WIPF1: variants seen among roughly 807,000 people sequenced by gnomAD.
WIPF1 encodes WAS/WASL interacting protein family member 1.
Under a neutral mutation model 35.4 loss-of-function variants are expected in WIPF1, and 13 were observed. The ratio of observed to expected loss-of-function variants is 0.37; its 90% CI spans 0.24 to 0.58. The LOEUF is 0.58. Ranked by LOEUF, WIPF1 falls within the 20% of genes least tolerant of loss-of-function variation. The pLI is 0.74. For synonymous variants in WIPF1, 267 were observed against 266.3 expected, an observed-to-expected ratio of 1.00 and a Z score of -0.02; for missense variants, 591 against 667.0, an observed-to-expected ratio of 0.89 and a Z score of 1.25.
At position 174,590,056 on chromosome 2, in the gene WIPF1, AAAAATAAAAT is replaced by A. The variant is rs533372782; in HGVS notation, c.-38-4455_-38-4446del. 6.6e-6 allele frequency among the ~76,000 whole-genome samples: 1 copy of A among 152,126 alleles called. No individual in the cohort carries two copies. Among genetic ancestry groups the A allele is most frequent in the Non-Finnish European group, 1.5e-5 (1 of 68,012 alleles). On this transcript the variant is annotated intron_variant, in intron 1 of 7. Transcript: ENST00000679041. This position sits in a 1 kb window ranked among gnomAD's most constrained non-coding sequence, Gnocchi z 4.6. ...GCTACAAAGTGAGCCCTTTATCTCT[AAAAATAAAAT>A]AAAATAAAATAAAAACAAATTAAAA...
intron 1 of WIPF1, among the ~76,000 whole-genome samples, chr2:174,650,291 A>G (rs191602795): frequency 2.5e-4 from 38 of 152,294 alleles, no homozygotes; most frequent in African/African-American, 8.7e-4. Flanking sequence ...TGAATGAACG[A>G]AAGATGACTG....
intron 1 of WIPF1, among the ~76,000 whole-genome samples, chr2:174,638,584 C>A (rs1368455934): frequency 2.0e-5 from 3 of 152,024 alleles, no homozygotes; most frequent in South Asian, 2.1e-4. Context: ...CTGTTCTATT[C>A]TCTGCTTCTA....
Position 174,571,437 on chromosome 2 carries a change from ATTTAAC to A in WIPF1, c.1129+233_1129+238del. Reference sequence around the variant, plus strand: ...CTTCTTTATTAACTAGCTCGTGACCATTTAACTTTATTAGCTACTCAGTGTCCTCAT... The same window carrying A: ...CTTCTTTATTAACTAGCTCGTGACCATTTATTAGCTACTCAGTGTCCTCAT... On this transcript the variant is annotated intron_variant, in intron 5 of 7. Coordinates refer to ENST00000679041, the MANE Select transcript of WIPF1 (RefSeq NM_001375834.1). This position sits in a 1 kb window ranked among gnomAD's most constrained non-coding sequence, Gnocchi z 4.6. 1.6e-6 allele frequency: 1 copy of A among 630,654 alleles called. No homozygotes were observed. The highest frequency in any genetic ancestry group is 2.8e-6 in the Non-Finnish European group (1 of 354,254). 39.1% of individuals were successfully genotyped at this position (630,654 alleles called of 1,614,324 possible).
chr2:174,649,866 A>G (rs1687497617), intron 1 of WIPF1, among the ~76,000 whole-genome samples: 1 of 152,210 alleles, frequency 6.6e-6, no homozygotes, highest in Non-Finnish European at 1.5e-5. Context: ...GCATGACTGT[A>G]AACCTTAACT....
Position 174,595,109 on chromosome 2 carries a change from A to AAAAAAT in WIPF1, c.-39+2491_-39+2492insATTTTT, listed in dbSNP as rs1553529785. Among the ~76,000 whole-genome samples, 71 of 57,716 alleles carry AAAAAAT rather than the reference A, an allele frequency of 1.2e-3. 2 individuals carry two copies. Among genetic ancestry groups the AAAAAAT allele is most frequent in the African/African-American group, 1.5e-3 (17 of 11,144 alleles). The allele number at this position is 57,716 out of a possible 152,430, so 37.9% of individuals were successfully genotyped here. The stretch of plus-strand genomic sequence containing the variant: ...TCTACAAAAAAAAAAAAAAAAAAAA[A>AAAAAAT]ATATATATATATATATATATATATA... On this transcript the variant is annotated intron_variant, in intron 1 of 7. Coordinates refer to ENST00000679041, the MANE Select transcript of WIPF1 (RefSeq NM_001375834.1).
chr2:174,563,375 C>T (rs1163363640), intron 7 of WIPF1, among the ~76,000 whole-genome samples: 1 of 152,116 alleles, frequency 6.6e-6, no homozygotes, highest in Non-Finnish European at 1.5e-5. Context: ...AGTTTGAGAC[C>T]AGTCTGGGCA....
At position 174,622,854 on chromosome 2, in the gene WIPF1, T is replaced by C. The variant is rs1006825153; in HGVS notation, c.-38-37243A>G. Among the ~76,000 whole-genome samples, 9 of 152,230 alleles carry C rather than the reference T, an allele frequency of 5.9e-5. No homozygotes were observed. The highest frequency in any genetic ancestry group is 2.2e-4 in the African/African-American group (9 of 41,458). On this transcript the variant is annotated intron_variant, in intron 1 of 8. Coordinates refer to the WIPF1 transcript ENST00000272746. This position sits in a 1 kb window ranked among gnomAD's most constrained non-coding sequence, Gnocchi z 5.1. ...CTGCCAAGTCTGGGATTTGAGCTTTTACCTATAAACATCACAAGGCAGAGG... is the reference window on the plus strand; with the variant it reads ...CTGCCAAGTCTGGGATTTGAGCTTTCACCTATAAACATCACAAGGCAGAGG...
At chr2:174,663,173 TGTGAGCAAG>T (rs1687815204) in intron 1 of WIPF1, among the ~76,000 whole-genome samples, 1 of 152,214 alleles carries the variant, frequency 6.6e-6, no homozygotes, top group Non-Finnish European at 1.5e-5. Context: ...GCTGAGGCTT[TGTGAGCAAG>T]GTGGTGCTCT....
At chr2:174,630,997 T>A (rs1287807562) in intron 1 of WIPF1, among the ~76,000 whole-genome samples, 1 of 152,202 alleles carries the variant, frequency 6.6e-6, no homozygotes, top group South Asian at 2.1e-4. Context: ...AATGATCTTA[T>A]AATATGAGGT....
At chr2:174,566,839 A>C in intron 7 of WIPF1, 1 of 445,474 alleles carries the variant, frequency 2.2e-6, no homozygotes, top group Non-Finnish European at 4.0e-6. Context: ...ATACTAGCAA[A>C]CCACGGTATT....
At chr2:174,649,750 G>A (rs903506068) in intron 1 of WIPF1, among the ~76,000 whole-genome samples, 4 of 152,102 alleles carry the variant, frequency 2.6e-5, no homozygotes, top group Non-Finnish European at 4.4e-5. Flanking sequence ...TTCTCCCAAG[G>A]CTACTCCTGA....
intron 1 of WIPF1, among the ~76,000 whole-genome samples, chr2:174,642,015 T>C (rs929937564): frequency 6.6e-6 from 1 of 152,170 alleles, no homozygotes; most frequent in Non-Finnish European, 1.5e-5. Flanking sequence ...TACTCTTTGC[T>C]ATAGAGAGAT....
rs192856772 is a variant in WIPF1 at position 174,630,969 on chromosome 2, T to A, written c.-38-45358A>T. The stretch of plus-strand genomic sequence containing the variant: ...AGACATGAACATTTTGTTTGAGGCA[T>A]TCCTGAAGAAAAATGATAATGATCT... On this transcript the variant is annotated intron_variant, in intron 1 of 8. Transcript: ENST00000272746. 7.2e-5 allele frequency among the ~76,000 whole-genome samples: 11 copies of A among 152,352 alleles called. No homozygotes were observed. In the East Asian group the frequency reaches 2.1e-3, roughly 29 times the overall value.
At chr2:174,600,555 A>C (rs1284863053), upstream of WIPF1, among the ~76,000 whole-genome samples, 1 of 152,186 alleles carries the variant, frequency 6.6e-6, no homozygotes, top group East Asian at 1.9e-4. Flanking sequence ...TTTTACTTGC[A>C]AGCCTGGTAC....
chr2:174,566,236 C>T (rs557796745), intron 7 of WIPF1: 35 of 152,282 alleles, frequency 2.3e-4, no homozygotes, highest in African/African-American at 6.3e-4. Flanking sequence ...CAGCAAAACC[C>T]TGGAAAGCCT....
chr2:174,618,502 T>C (rs755833790), intron 1 of WIPF1, among the ~76,000 whole-genome samples: 7 of 152,210 alleles, frequency 4.6e-5, no homozygotes, highest in Non-Finnish European at 1.0e-4. Flanking sequence ...CTGAACCACA[T>C]CCTAGTCCCA....
chr2:174,662,306 G>C (rs753079728), intron 1 of WIPF1, among the ~76,000 whole-genome samples: 1 of 152,172 alleles, frequency 6.6e-6, no homozygotes, highest in Non-Finnish European at 1.5e-5. Context: ...TAGGCATAAC[G>C]ACATTTTCTA....
chr2:174,564,600 T>G (rs564440257), intron 7 of WIPF1, among the ~76,000 whole-genome samples: 9 of 152,282 alleles, frequency 5.9e-5, no homozygotes, highest in African/African-American at 1.7e-4. Flanking sequence ...GGAGAAGATA[T>G]ATGCTTAGCT....
chr2:174,592,671 T>A (rs1485394675), intron 1 of WIPF1, among the ~76,000 whole-genome samples: 3 of 151,536 alleles, frequency 2.0e-5, no homozygotes, highest in African/African-American at 7.3e-5. Flanking sequence ...AGTGGTACGA[T>A]CTTGGCTCAC....
Sources: gnomAD v4.1 joint callset for allele counts (sites outside exome capture counted in the v4.1 genomes callset) on GRCh38, gnomAD v4.1.1 for gene constraint, Gnocchi (gnomAD v3.1) non-coding constraint, MANE v1.5 for transcripts, NCBI Gene and HGNC (gene_info 2026-07-23, HGNC 2026-07-21) for gene names.